The following CHLSN variants were observed in gnomAD, a reference collection of about 807,000 sequenced individuals.
CHLSN encodes protein cholesin.
the CHLSN span, chr7:997,676 G>A: frequency 6.8e-6 from 11 of 1,610,520 alleles, no homozygotes; most frequent in Admixed American, 1.7e-5. Context: ...TCCCCGGCAG[G>A]GGGGGATCAG....
At chr7:1,064,731 G>A in the CHLSN span, among the ~76,000 whole-genome samples, 28 of 152,194 alleles carry the variant, frequency 1.8e-4, no homozygotes, top group Admixed American at 2.6e-4. Context: ...CGGATGTGGG[G>A]CCAGCAGGGA....
chr7:1,096,477 G>A, the CHLSN span, among the ~76,000 whole-genome samples: 35 of 152,312 alleles, frequency 2.3e-4, no homozygotes, highest in African/African-American at 7.7e-4. This position sits in a 1 kb window ranked among gnomAD's most constrained non-coding sequence, Gnocchi z 4.6. Flanking sequence ...CCAGCAGGCC[G>A]GGCAGGGACT....
At chr7:1,070,951 A>AG in the CHLSN span, among the ~76,000 whole-genome samples, 17,181 of 149,134 alleles carry the variant, frequency 0.12, 1,126 homozygotes, top group Middle Eastern at 0.25. Flanking sequence ...GCACACACAC[A>AG]CAGCACAGAC....
chr7:1,130,832 A>G, the CHLSN span, among the ~76,000 whole-genome samples: 6 of 152,306 alleles, frequency 3.9e-5, no homozygotes, highest in Middle Eastern at 3.4e-3. Flanking sequence ...CGGCTCAGAC[A>G]CACACCCACA....
chr7:1,136,355 T>C, the CHLSN span, among the ~76,000 whole-genome samples: 2 of 78,478 alleles, frequency 2.5e-5, 1 homozygote, highest in African/African-American at 1.4e-4. Context: ...TAAATATATA[T>C]AAACATATAT....
the CHLSN span, among the ~76,000 whole-genome samples, chr7:1,136,511 CATATATAAAT>C: frequency 0.17 from 17,939 of 106,298 alleles, 1,809 homozygotes; most frequent in Middle Eastern, 0.27. Flanking sequence ...TATATATAAA[CATATATAAAT>C]ATATATAAAC....
chr7:1,089,054 C>T, the CHLSN span, among the ~76,000 whole-genome samples: 1 of 152,180 alleles, frequency 6.6e-6, no homozygotes, highest in Non-Finnish European at 1.5e-5. Flanking sequence ...GAGGGTTCTG[C>T]CCACCTTTAA....
At chr7:1,000,987 G>A in the CHLSN span, among the ~76,000 whole-genome samples, 1 of 152,194 alleles carries the variant, frequency 6.6e-6, no homozygotes, top group Non-Finnish European at 1.5e-5. Context: ...TCACAACAAG[G>A]GGCCAGTGGG....
the CHLSN span, among the ~76,000 whole-genome samples, chr7:1,052,899 A>C: frequency 6.6e-6 from 1 of 152,148 alleles, no homozygotes; most frequent in South Asian, 2.1e-4. The surrounding 1 kb of genome is among the most constrained non-coding windows in gnomAD (Gnocchi z 4.2). Flanking sequence ...TCGCCGCCAC[A>C]ACAAACTCAG....
At chr7:1,005,882 C>A in the CHLSN span, among the ~76,000 whole-genome samples, 8 of 152,316 alleles carry the variant, frequency 5.3e-5, no homozygotes, top group Non-Finnish European at 8.8e-5. Flanking sequence ...TCGAGCAGAC[C>A]CAGGCAGGGG....
the CHLSN span, chr7:1,009,927 C>T: frequency 6.6e-7 from 1 of 1,516,056 alleles, no homozygotes; most frequent in Admixed American, 2.1e-5. Context: ...CGGGACAGAA[C>T]CGCGTGGGGC....
At chr7:983,486 C>A in the CHLSN span, 2 of 1,226,196 alleles carry the variant, frequency 1.6e-6, no homozygotes, top group Non-Finnish European at 2.1e-6. Context: ...CCTGTTCCCA[C>A]ATGGTGCCGG....
the CHLSN span, among the ~76,000 whole-genome samples, chr7:1,075,674 G>A: frequency 1.5e-4 from 22 of 148,070 alleles, no homozygotes; most frequent in African/African-American, 5.0e-4. Flanking sequence ...GTGCAGTGGC[G>A]CAATCTCAGC....
At chr7:1,117,253 C>A in the CHLSN span, among the ~76,000 whole-genome samples, 1 of 65,046 alleles carries the variant, frequency 1.5e-5, no homozygotes, top group Non-Finnish European at 2.8e-5. Context: ...ATCACTACAG[C>A]TCTACGGACC....
the CHLSN span, among the ~76,000 whole-genome samples, chr7:1,040,183 TAA>T: frequency 0.31 from 23,077 of 74,318 alleles, 3,465 homozygotes; most frequent in Non-Finnish European, 0.38. Flanking sequence ...AAAATAAATT[TAA>T]AAAAAAAAAA....
the CHLSN span, among the ~76,000 whole-genome samples, chr7:1,089,669 C>T: frequency 2.0e-5 from 3 of 151,536 alleles, no homozygotes; most frequent in Admixed American, 6.6e-5. Flanking sequence ...GCAATCCTCC[C>T]ACCTCATCTT....
At chr7:1,085,221 C>T in the CHLSN span, among the ~76,000 whole-genome samples, 1 of 152,204 alleles carries the variant, frequency 6.6e-6, no homozygotes, top group Non-Finnish European at 1.5e-5. Context: ...ATGAAATTCC[C>T]CTTGAAGTTC....
chr7:1,032,519 G>T, the CHLSN span, among the ~76,000 whole-genome samples: 7 of 145,188 alleles, frequency 4.8e-5, no homozygotes, highest in African/African-American at 1.0e-4. Flanking sequence ...CGCCCACACC[G>T]CCAGGCACCC....
At chr7:1,009,010 C>CAT in the CHLSN span, among the ~76,000 whole-genome samples, 23,515 of 144,868 alleles carry the variant, frequency 0.16, 2,064 homozygotes, top group Admixed American at 0.22. Context: ...CGCACACACA[C>CAT]ACACATACAC....
Sources: gnomAD v4.1 joint callset for allele counts (sites outside exome capture counted in the v4.1 genomes callset) on GRCh38, gnomAD v4.1.1 for gene constraint, Gnocchi (gnomAD v3.1) non-coding constraint, MANE v1.5 for transcripts, NCBI Gene and HGNC (gene_info 2026-07-23, HGNC 2026-07-21) for gene names.